NIPBL: variants seen among roughly 807,000 people sequenced by gnomAD.
NIPBL encodes the protein NIPBL cohesin loading factor.
NIPBL carries 19 observed loss-of-function variants against 321.8 expected under a neutral mutation model. That is an observed-to-expected ratio of 0.06 (90% CI 0.04 to 0.09). NIPBL has a LOEUF of 0.09. Among genes scored for constraint, NIPBL ranks in the 10% least tolerant of loss-of-function variants. The probability of loss-of-function intolerance (pLI) is 1.00; values close to 1 mark genes in which losing one functional copy is unlikely to be tolerated. For synonymous variants in NIPBL, 1,106 were observed against 1,114.1 expected, an observed-to-expected ratio of 0.99 and a Z score of 0.14; for missense variants, 2,210 against 3,327.0, an observed-to-expected ratio of 0.66 and a Z score of 8.26.
chr5:36,974,873 A>G (rs1239088172), intron 8 of NIPBL, among the ~76,000 whole-genome samples: 1 of 152,058 alleles, frequency 6.6e-6, no homozygotes, highest in African/African-American at 2.4e-5. Context: ...GTTTTTAAAT[A>G]TTTTATAGTT....
chr5:36,972,900 C>T (rs1275070876), intron 8 of NIPBL, among the ~76,000 whole-genome samples: 1 of 152,158 alleles, frequency 6.6e-6, no homozygotes, highest in African/African-American at 2.4e-5. Flanking sequence ...GGGTGATCTT[C>T]CATGGGCCCT....
intron 1 of NIPBL, among the ~76,000 whole-genome samples, chr5:36,915,277 T>C (rs556807343): frequency 6.6e-6 from 1 of 152,282 alleles, no homozygotes; most frequent in Admixed American, 6.5e-5. Flanking sequence ...AATTAATTTC[T>C]AATATTAAAA....
Position 36,953,759 on chromosome 5 carries a change from C to A in NIPBL, c.63C>A (p.Asp21Glu), listed in dbSNP as rs1740652106. The A allele has an allele frequency of 6.2e-7, 1 of 1,611,644 alleles. No individual in the cohort carries two copies. The highest frequency in any genetic ancestry group is 8.5e-7 in the Non-Finnish European group (1 of 1,177,934). ...TTLAGIASLT[D>E]LLNQLPLPSP... ...TTGCGGGGATTGCTAGTCTCACAGA[C>A]CGTAAGTTTGGTTAATTTATCTAAT... Residue 21 changes from aspartate (D) to glutamate (E), a missense_variant and splice_region_variant, in exon 2 of 47, where the codon GAC becomes GAA. Around this residue, in one of 14 missense-constraint regions of NIPBL, gnomAD observed 28 missense variants for 65.5 expected, o/e 0.43. Coordinates refer to ENST00000282516, the MANE Select transcript of NIPBL (RefSeq NM_133433.4).
At chr5:36,962,683 C>T (rs1327422456) in intron 6 of NIPBL, among the ~76,000 whole-genome samples, 1 of 152,060 alleles carries the variant, frequency 6.6e-6, no homozygotes. Context: ...CAACCAAACA[C>T]GGAGTGAAAA....
rs1037924028 is a variant in NIPBL, at chr5:37,036,918, A to G, written c.5971+431A>G. ...TTTAAAGATTTATATTACATTCCTA[A>G]TATTTATTATTTATAATTGTTACAT... On this transcript the variant is annotated intron_variant, in intron 33 of 46. Coordinates refer to ENST00000282516, the MANE Select transcript of NIPBL (RefSeq NM_133433.4). 2.6e-5 allele frequency among the ~76,000 whole-genome samples: 4 copies of G among 152,130 alleles called. No homozygotes were observed. The South Asian group carries it at 8.3e-4, about 31-fold the overall frequency.
rs398124470 is a variant in NIPBL, at chr5:37,051,871, T to C, written c.7047T>C (p.Tyr2349=). The change falls in exon 41 of 47, where the codon TAT becomes TAC. Residue 2349 remains tyrosine (Y), a synonymous_variant. Coordinates refer to ENST00000282516, the MANE Select transcript of NIPBL (RefSeq NM_133433.4). ...AACTTGTGGAAATAGACAAAAAATA[T>C]GCTGGATTCATTCATGTATGTATTT... ...DQQLVEIDKK[Y]AGFIHMKAVA... is the part of the protein sequence containing the mutation. 1.6e-5 allele frequency: 25 copies of C among 1,611,376 alleles called. No individual in the cohort carries two copies. In the East Asian group the frequency reaches 5.3e-4, roughly 34 times the overall value.
At position 37,014,589 on chromosome 5, in the gene NIPBL, A is replaced by G. The variant is rs1390677550; in HGVS notation, c.4561-94A>G. ...ATAGTTTAAGCATTTTAGTATTTAAATATATTACCCCTCTTCAGTAATAAC... is the reference window on the plus strand; with the variant it reads ...ATAGTTTAAGCATTTTAGTATTTAAGTATATTACCCCTCTTCAGTAATAAC... On this transcript the variant is annotated intron_variant, in intron 21 of 46. Transcript: ENST00000282516. 3.9e-6 allele frequency: 3 copies of G among 759,506 alleles called. No homozygotes were observed. The South Asian group carries it at 4.8e-5, about 12-fold the overall frequency. The allele number at this position is 759,506 out of a possible 1,614,324, so 47.0% of individuals were successfully genotyped here.
chr5:36,923,490 C>T (rs1332233384), intron 1 of NIPBL, among the ~76,000 whole-genome samples: 1 of 152,072 alleles, frequency 6.6e-6, no homozygotes, highest in East Asian at 1.9e-4. Flanking sequence ...ATTAAAAACA[C>T]TTATTAAGGT....
chr5:37,032,159 C>T (rs1377800055), intron 32 of NIPBL, among the ~76,000 whole-genome samples: 5 of 152,056 alleles, frequency 3.3e-5, no homozygotes, highest in South Asian at 2.1e-4. Flanking sequence ...TATAAGTTGA[C>T]GATTGAGAAC....
At chr5:37,010,598 G>A (rs1030661480) in intron 21 of NIPBL, among the ~76,000 whole-genome samples, 1 of 152,156 alleles carries the variant, frequency 6.6e-6, no homozygotes, top group African/African-American at 2.4e-5. Flanking sequence ...GAGCCACTGC[G>A]CCTGGCCAAA....
chr5:37,057,769 G>A (rs780078201), intron 43 of NIPBL, among the ~76,000 whole-genome samples: 3 of 152,084 alleles, frequency 2.0e-5, no homozygotes, highest in African/African-American at 4.8e-5. Flanking sequence ...CTACAGCACC[G>A]TTATAGAGTT....
At position 37,022,166 on chromosome 5, in the gene NIPBL, ATTCT is replaced by A. The variant is rs766538036; in HGVS notation, c.5427+24_5427+27del. On this transcript the variant is annotated intron_variant, in intron 28 of 46. Transcript: ENST00000282516. The stretch of plus-strand genomic sequence containing the variant: ...CTAGCAAGGGTAAAGAGCAAAAATG[ATTCT>A]TTCTTTTCTACTCGAATTGGAATAT... 9.3e-6 allele frequency: 15 copies of A among 1,613,288 alleles called. No homozygotes were observed. The East Asian group carries it at 2.2e-4, about 24-fold the overall frequency.
At chr5:36,946,661 G>A (rs1286755324) in intron 1 of NIPBL, among the ~76,000 whole-genome samples, 3 of 151,662 alleles carry the variant, frequency 2.0e-5, no homozygotes, top group Non-Finnish European at 2.9e-5. Flanking sequence ...ATTAACATTA[G>A]CAAAGGTGTT....
At chr5:37,050,115 G>A (rs1354156541) in intron 40 of NIPBL, among the ~76,000 whole-genome samples, 2 of 151,984 alleles carry the variant, frequency 1.3e-5, no homozygotes, top group Non-Finnish European at 2.9e-5. Context: ...AAACTACCGA[G>A]GGTTCTTTGT....
chr5:36,889,852 A>G (rs972757974), intron 1 of NIPBL, among the ~76,000 whole-genome samples: 1 of 152,066 alleles, frequency 6.6e-6, no homozygotes, highest in African/African-American at 2.4e-5. Context: ...AGAACTTAAA[A>G]ATTTTCAAGA....
intron 44 of NIPBL, among the ~76,000 whole-genome samples, 186 bp from the exon 45 acceptor site, chr5:37,060,658 G>C (rs1754570995): frequency 6.6e-6 from 1 of 152,184 alleles, no homozygotes; most frequent in Non-Finnish European, 1.5e-5. Context: ...GCAACTAGTA[G>C]AAAGAGGTAA....
chr5:36,939,571 G>A (rs943640423), intron 1 of NIPBL, among the ~76,000 whole-genome samples: 1 of 151,960 alleles, frequency 6.6e-6, no homozygotes, highest in Non-Finnish European at 1.5e-5. Flanking sequence ...CCAGCTTTTC[G>A]CTATTATGAA....
rs115099500 is a variant in NIPBL at position 36,895,422 on chromosome 5, A to G, written c.-80+18244A>G. On this transcript the variant is annotated intron_variant, in intron 1 of 46. Transcript: ENST00000282516. ...TTTGACTATTATGAATAATGCTGTT[A>G]TAAGCATTCATTTGTAAGTTTCTGT... Among the ~76,000 whole-genome samples the G allele has an allele frequency of 3.4e-3, 522 of 152,312 alleles. 8 individuals carry two copies. The highest frequency in any genetic ancestry group is 0.012 in the African/African-American group (506 of 41,572).
At chr5:36,896,712 TC>T (rs1746769107) in intron 1 of NIPBL, among the ~76,000 whole-genome samples, 1 of 152,080 alleles carries the variant, frequency 6.6e-6, no homozygotes. Context: ...TGATTATTGT[TC>T]CTTAGCCTCC....
Sources: gnomAD v4.1 joint callset for allele counts (sites outside exome capture counted in the v4.1 genomes callset) on GRCh38, gnomAD v4.1.1 for gene constraint, gnomAD v4.1.1 regional missense constraint, MANE v1.5 for transcripts, NCBI Gene and HGNC (gene_info 2026-07-23, HGNC 2026-07-21) for gene names.